Variants in EPHA8 observed in about 807,000 individuals in gnomAD.
EPHA8 encodes the protein ephrin type-A receptor 8.
EPHA8 carries 58 observed loss-of-function variants against 103.6 expected under a neutral mutation model. That is an observed-to-expected ratio of 0.56 (90% CI 0.45 to 0.70). The LOEUF (loss-of-function observed/expected upper bound fraction) is 0.70, where lower values mean the gene tolerates loss of function less well. Ranked by LOEUF, EPHA8 falls within the 30% of genes least tolerant of loss-of-function variation. EPHA8 has a pLI of 0.00. For synonymous variants in EPHA8, 559 were observed against 572.5 expected, an observed-to-expected ratio of 0.98 and a Z score of 0.34; for missense variants, 1,304 against 1,395.2, an observed-to-expected ratio of 0.93 and a Z score of 1.04.
intron 3 of EPHA8, among the ~76,000 whole-genome samples, chr1:22,578,762 T>C (rs1640909340): frequency 6.7e-6 from 1 of 149,448 alleles, no homozygotes; most frequent in Non-Finnish European, 1.5e-5. Flanking sequence ...TGCATGTGTG[T>C]GAATGTATGT....
chr1:22,600,140 A>AGGGG (rs369545246), intron 13 of EPHA8, among the ~76,000 whole-genome samples: 1 of 82,848 alleles, frequency 1.2e-5, no homozygotes. Flanking sequence ...AGAAGGAAGG[A>AGGGG]GGAGGGAGGG....
chr1:22,571,738 G>A (rs1640548964), intron 2 of EPHA8, among the ~76,000 whole-genome samples: 1 of 152,132 alleles, frequency 6.6e-6, no homozygotes, highest in South Asian at 2.1e-4. Flanking sequence ...GAGGGGCCTG[G>A]GAATCTTCTG....
Position 22,580,608 on chromosome 1 carries a change from T to C in EPHA8, c.823+3728T>C, listed in dbSNP as rs1450062213. ...AGGCTCCCCAGGCCACAAGCTCTCATGGTTACTATCACAGACAGCCCTGTG... is the reference window on the plus strand; with the variant it reads ...AGGCTCCCCAGGCCACAAGCTCTCACGGTTACTATCACAGACAGCCCTGTG... On this transcript the variant is annotated intron_variant, in intron 3 of 16. Transcript: ENST00000166244. 2.0e-5 allele frequency among the ~76,000 whole-genome samples: 3 copies of C among 152,214 alleles called. No homozygotes were observed. The South Asian group carries it at 6.2e-4, about 32-fold the overall frequency.
rs769303964 is a variant in EPHA8, at chr1:22,601,059, G to A, written c.2700G>A (p.Glu900=). 1 of 1,610,376 alleles carries A rather than the reference G, an allele frequency of 6.2e-7. No homozygotes were observed. The highest frequency in any genetic ancestry group is 1.1e-5 in the South Asian group (1 of 90,862). ...TCGATGCGCTCATCCGCAGCCCTGAGAGTCTCAGGGCCACCGCCACAGTCA... is the reference window on the plus strand; with the variant it reads ...TCGATGCGCTCATCCGCAGCCCTGAAAGTCTCAGGGCCACCGCCACAGTCA... ...SVLDALIRSP[E]SLRATATVSR... The change falls in exon 15 of 17, where the codon GAG becomes GAA. Residue 900 remains glutamate, a synonymous_variant. Coordinates refer to ENST00000166244, the MANE Select transcript of EPHA8 (RefSeq NM_020526.5).
At chr1:22,595,359 T>C in intron 8 of EPHA8, 36 bp downstream of exon 8, 2 of 1,576,320 alleles carry the variant, frequency 1.3e-6, no homozygotes, top group Non-Finnish European at 1.7e-6. Context: ...CAGCCCCTCC[T>C]CTCAAGCACC....
chr1:22,581,352 C>T (rs571639628), intron 3 of EPHA8, among the ~76,000 whole-genome samples: 34 of 152,334 alleles, frequency 2.2e-4, no homozygotes, highest in Non-Finnish European at 4.1e-4. Flanking sequence ...GGTCGGCCAC[C>T]GTCCCCAAGT....
At chr1:22,577,786 G>A (rs528676448) in intron 3 of EPHA8, among the ~76,000 whole-genome samples, 2 of 149,090 alleles carry the variant, frequency 1.3e-5, no homozygotes, top group South Asian at 4.2e-4. Flanking sequence ...GTGTGCATGT[G>A]TGCGTGTGTG....
rs1641424777 is a variant in EPHA8, at chr1:22,593,361, G to A, written c.1351G>A (p.Ala451Thr). The A allele has an allele frequency of 6.3e-7, 1 of 1,584,932 alleles. No homozygotes were observed. Among genetic ancestry groups the A allele is most frequent in the Non-Finnish European group, 8.6e-7 (1 of 1,165,826 alleles). Residue 451 changes from alanine (A) to threonine (T), a missense_variant, in exon 6 of 17, where the codon GCG becomes ACG. Coordinates refer to ENST00000166244, the MANE Select transcript of EPHA8 (RefSeq NM_020526.5). ...SQVVVIRQER[A>T]GQTSVSLLWQ... is the part of the protein sequence containing the mutation. ...GGTGGTGGTGATCCGTCAAGAGCGG[G>A]CGGGGCAGACCAGCGTCTCGCTGCT...
chr1:22,576,137 C>T lies in EPHA8; in HGVS notation c.160-80C>T. On this transcript the variant is annotated intron_variant, in intron 2 of 16. Transcript: ENST00000166244. The surrounding 1 kb of genome is among the most constrained non-coding windows in gnomAD (Gnocchi z 4.8). ...TTGTCTTTTTTTTTGCCAGCGTCCC[C>T]AGCACAGAACACAGGGTCATTGGCA... is the stretch of plus-strand genomic sequence containing the variant. 6.7e-7 allele frequency: 1 copy of T among 1,486,744 alleles called. No individual in the cohort carries two copies. 92.1% of individuals were successfully genotyped at this position (1,486,744 alleles called of 1,614,324 possible). A position where few individuals can be genotyped will look rare whatever the true frequency, so the allele number is the denominator to read the frequency against.
intron 3 of EPHA8, among the ~76,000 whole-genome samples, chr1:22,578,795 G>A (rs1333862861): frequency 1.3e-5 from 2 of 151,452 alleles, no homozygotes; most frequent in African/African-American, 4.9e-5. Flanking sequence ...ATATGTATGT[G>A]TGCGTGTGTG....
At position 22,576,988 on chromosome 1, in the gene EPHA8, C is replaced by T; in HGVS notation, c.823+108C>T. The T allele has an allele frequency of 7.2e-6, 9 of 1,246,308 alleles. No homozygotes were observed. The highest frequency in any genetic ancestry group is 7.6e-6 in the Non-Finnish European group (7 of 924,252). 77.2% of individuals were successfully genotyped at this position (1,246,308 alleles called of 1,614,324 possible). On this transcript the variant is annotated intron_variant, in intron 3 of 16. Transcript: ENST00000166244. This position sits in a 1 kb window ranked among gnomAD's most constrained non-coding sequence, Gnocchi z 4.8. The stretch of plus-strand genomic sequence containing the variant: ...TCAGAGCCCACAGGCACCTGAGTGA[C>T]CCACACAGCCCCTGGGAAGATGGAT...
In EPHA8 at chr1:22,598,904, C is replaced by T. The variant is rs147240669; in HGVS notation, c.2245C>T (p.Arg749Cys). The T allele has an allele frequency of 4.5e-5, 72 of 1,612,946 alleles. No individual in the cohort carries two copies. The highest frequency in any genetic ancestry group is 2.7e-4 in the Admixed American group (16 of 59,984). ...GCTGAGAGGAGTGGGTGCCGGCATG[C>T]GCTACCTCTCAGACCTGGGCTATGT... ...GMLRGVGAGMRYLSDLGYVHR... is the reference protein window; with the variant it reads ...GMLRGVGAGMCYLSDLGYVHR... Residue 749 changes from arginine (R) to cysteine (C), a missense_variant, in exon 13 of 17, where the codon CGC becomes TGC. Arg to Cys is a radical substitution (Grantham distance 180). Transcript: ENST00000166244. This position sits in a 1 kb window ranked among gnomAD's most constrained non-coding sequence, Gnocchi z 5.1.
rs1640255028 is a variant in EPHA8, at chr1:22,563,505, G to T, written c.-131G>T. ...GGTGCCCGCGTGTGCGCTGGGAGCCGCGTGTGCGCCGGGGTGTGCGCCCGG... is the reference window on the plus strand; with the variant it reads ...GGTGCCCGCGTGTGCGCTGGGAGCCTCGTGTGCGCCGGGGTGTGCGCCCGG... On this transcript the variant is annotated 5_prime_UTR_variant, in exon 1 of 17. Transcript: ENST00000166244. The surrounding 1 kb of genome is among the most constrained non-coding windows in gnomAD (Gnocchi z 4.4). The T allele has an allele frequency of 1.4e-5, 2 of 146,202 alleles. No individual in the cohort carries two copies. The highest frequency in any genetic ancestry group is 6.8e-5 in the Admixed American group (1 of 14,702). 9.1% of individuals were successfully genotyped at this position (146,202 alleles called of 1,614,324 possible). A position where few individuals can be genotyped will look rare whatever the true frequency, so the allele number is the denominator to read the frequency against.
rs202243952 is a variant in EPHA8 at position 22,597,344 on chromosome 1, C to G, written c.1798C>G (p.Pro600Ala). Residue 600 changes from proline (P) to alanine (A), a missense_variant, in exon 10 of 17, where the codon CCC (proline) becomes GCC (alanine). Physicochemically the swap from Pro to Ala is conservative, Grantham distance 27. Coordinates refer to ENST00000166244, the MANE Select transcript of EPHA8 (RefSeq NM_020526.5). The surrounding 1 kb of genome is among the most constrained non-coding windows in gnomAD (Gnocchi z 4.6). ...PPPVFLPLHH[P>A]PGKLPEPQFY... ...ACCTGTCTTCCTGCCTCTGCATCAC[C>G]CCCCGGGAAAGCTCCCAGAGCCCCA... 6.2e-7 allele frequency: 1 copy of G among 1,610,644 alleles called. No homozygotes were observed.
chr1:22,578,960 T>C (rs1640928994), intron 3 of EPHA8, among the ~76,000 whole-genome samples: 2 of 147,174 alleles, frequency 1.4e-5, no homozygotes, highest in African/African-American at 4.9e-5. Context: ...TGTGTGTCCA[T>C]GTGTATGTTC....
intron 3 of EPHA8, among the ~76,000 whole-genome samples, chr1:22,584,917 C>A (rs927069310): frequency 6.6e-6 from 1 of 152,158 alleles, no homozygotes; most frequent in Non-Finnish European, 1.5e-5. Flanking sequence ...CCCACGGGGG[C>A]CTCCCAGTCT....
chr1:22,597,226 A>C lies in EPHA8; in HGVS notation c.1766-86A>C. 4 of 1,136,686 alleles carry C rather than the reference A, an allele frequency of 3.5e-6. No homozygotes were observed. Among genetic ancestry groups the C allele is most frequent in the Non-Finnish European group, 4.9e-6 (4 of 808,636 alleles). The allele number at this position is 1,136,686 out of a possible 1,614,324, so 70.4% of individuals were successfully genotyped here. On this transcript the variant is annotated intron_variant, in intron 9 of 16. Transcript: ENST00000166244. The surrounding 1 kb of genome is among the most constrained non-coding windows in gnomAD (Gnocchi z 4.6). ...GACTCCCAGAGACACCCCTCACCCCACCCCAGACCCATCCCAGGCCCAGGG... is the reference window on the plus strand; with the variant it reads ...GACTCCCAGAGACACCCCTCACCCCCCCCCAGACCCATCCCAGGCCCAGGG...
chr1:22,578,157 TGC>T (rs1640817521), intron 3 of EPHA8, among the ~76,000 whole-genome samples: 1 of 138,600 alleles, frequency 7.2e-6, no homozygotes, highest in East Asian at 2.5e-4. Flanking sequence ...TGTGCGTGTG[TGC>T]ATGAGTGTAT....
chr1:22,579,342 AGT>A lies in EPHA8; in HGVS notation c.823+2465_823+2466del, dbSNP rs200720870. Among the ~76,000 whole-genome samples, 984 of 138,254 alleles carry A rather than the reference AGT, an allele frequency of 7.1e-3. 8 individuals carry two copies. The highest frequency in any genetic ancestry group is 0.027 in the East Asian group (131 of 4,804). The allele number at this position is 138,254 out of a possible 152,430, so 90.7% of individuals were successfully genotyped here. On this transcript the variant is annotated intron_variant, in intron 3 of 16. Transcript: ENST00000166244. ...ATATGCATGTGTCCATGTGTGCATG[AGT>A]GTATGTATGCGTGTGTGTATGTGTG...
Sources: allele counts gnomAD v4.1 joint callset (sites outside exome capture counted in the v4.1 genomes callset), GRCh38; gene constraint gnomAD v4.1.1; non-coding constraint Gnocchi (gnomAD v3.1); transcripts MANE v1.5; gene names NCBI Gene and HGNC (gene_info 2026-07-23, HGNC 2026-07-21).